Variants in LRRFIP2 observed in about 807,000 individuals in gnomAD.
LRRFIP2 encodes leucine-rich repeat flightless-interacting protein 2.
LRRFIP2 carries 109 observed loss-of-function variants against 125.9 expected under a neutral mutation model. That is an observed-to-expected ratio of 0.87 (90% CI 0.74 to 1.01). LRRFIP2 has a LOEUF of 1.01. LRRFIP2 is among the 50% of genes least tolerant of loss of function. The pLI is 0.00. For missense variants in LRRFIP2, 850 were observed against 862.3 expected (o/e 0.99, Z 0.18); for synonymous variants, 291 against 293.1 (o/e 0.99, Z 0.07).
At chr3:37,149,650 C>T (rs2095959022) in intron 1 of LRRFIP2, among the ~76,000 whole-genome samples, 1 of 152,100 alleles carries the variant, frequency 6.6e-6, no homozygotes, top group South Asian at 2.1e-4. Context: ...TACTACTAAG[C>T]CTTATAGTTA....
chr3:37,122,931 T>G (rs568283545), intron 4 of LRRFIP2, among the ~76,000 whole-genome samples: 5 of 152,332 alleles, frequency 3.3e-5, no homozygotes, highest in African/African-American at 9.6e-5. Context: ...GAATTTCAAG[T>G]CCAAAGTGTT....
At chr3:37,073,597 T>C (rs1293826776) in intron 20 of LRRFIP2, among the ~76,000 whole-genome samples, 23 of 152,180 alleles carry the variant, frequency 1.5e-4, no homozygotes, top group Admixed American at 1.5e-3. Flanking sequence ...TTTAAAGTTT[T>C]TCAGCATAAC....
intron 10 of LRRFIP2, 39 bp from the exon 11 acceptor site, chr3:37,109,610 A>G (rs1444136984): frequency 3.7e-6 from 6 of 1,613,866 alleles, no homozygotes; most frequent in Non-Finnish European, 5.1e-6. Context: ...AAAAAAAGCA[A>G]CTGGTAGCTC....
At chr3:37,110,884 C>G in intron 9 of LRRFIP2, 107 bp downstream of exon 9, 1 of 905,302 alleles carries the variant, frequency 1.1e-6, no homozygotes, top group Middle Eastern at 2.2e-4. Flanking sequence ...CTAGTATATA[C>G]GTAGCCATTT....
intron 24 of LRRFIP2, among the ~76,000 whole-genome samples, chr3:37,063,003 T>C (rs1188609438): frequency 6.6e-6 from 1 of 152,080 alleles, no homozygotes; most frequent in Non-Finnish European, 1.5e-5. Context: ...ACAAGTCAGA[T>C]GCACCAAGAT....
intron 1 of LRRFIP2, among the ~76,000 whole-genome samples, chr3:37,161,603 G>A (rs533523050): frequency 2.1e-4 from 32 of 152,202 alleles, no homozygotes; most frequent in African/African-American, 7.5e-4. Flanking sequence ...TTTCCTTGTA[G>A]GGGTAATGAA....
At chr3:37,067,188 G>A (rs2090324002) in intron 21 of LRRFIP2, 1 of 152,202 alleles carries the variant, frequency 6.6e-6, no homozygotes, top group South Asian at 2.1e-4. Context: ...AGATAGCAGG[G>A]ACAGTTCAGG....
rs1186012403 is a variant in LRRFIP2, at chr3:37,109,676, G to A, written c.541C>T (p.Leu181=). The A allele has an allele frequency of 6.2e-7, 1 of 1,614,068 alleles. No homozygotes were observed. Among genetic ancestry groups the A allele is most frequent in the Non-Finnish European group, 8.5e-7 (1 of 1,179,954 alleles). The stretch of plus-strand genomic sequence containing the variant: ...ACCCTGTCACTCTTATATGTTGCCA[G>A]AGGGTCACTGTACAGGGAAGAAGAC... ...RQSSSLYSDP[L]ATYKSDRASP... is the part of the protein sequence containing the mutation. Residue 181 remains leucine, a synonymous_variant, in exon 10 of 28, where the codon CTG becomes TTG. Transcript: ENST00000336686.
intron 9 of LRRFIP2, among the ~76,000 whole-genome samples, chr3:37,110,242 TA>T (rs776184155): frequency 2.0e-5 from 3 of 152,238 alleles, no homozygotes; most frequent in Non-Finnish European, 2.9e-5. Context: ...TTAGTTGAAT[TA>T]GATAAATTGT....
intron 23 of LRRFIP2, chr3:37,064,039 T>C (rs182244485): frequency 4.5e-6 from 2 of 439,714 alleles, no homozygotes; most frequent in Admixed American, 3.9e-5. Flanking sequence ...CAGCAGTGAT[T>C]TGCCACTTAA....
chr3:37,165,810 AAAGAAAGAAAGAAAGAAAGAAAG>A (rs1560166557), intron 1 of LRRFIP2, among the ~76,000 whole-genome samples: 11 of 142,674 alleles, frequency 7.7e-5, no homozygotes, highest in East Asian at 2.1e-4. Flanking sequence ...AGAAAGAAAG[AAAGAAAGAAAGAAAGAAAGAAAG>A]AAAGAAAGAA....
chr3:37,159,408 A>G (rs984096807), intron 1 of LRRFIP2, among the ~76,000 whole-genome samples: 23 of 152,204 alleles, frequency 1.5e-4, no homozygotes, highest in Admixed American at 5.9e-4. Flanking sequence ...AAATTTTTTA[A>G]TTGGAAAAAG....
In LRRFIP2 at chr3:37,053,661, A is replaced by G; in HGVS notation, c.*190T>C. The G allele has an allele frequency of 5.2e-6, 3 of 574,330 alleles. No homozygotes were observed. Among genetic ancestry groups the G allele is most frequent in the Non-Finnish European group, 6.2e-6 (2 of 320,164 alleles). 35.6% of individuals were successfully genotyped at this position (574,330 alleles called of 1,614,324 possible). On this transcript the variant is annotated 3_prime_UTR_variant, in exon 28 of 28. Coordinates refer to ENST00000336686, the MANE Select transcript of LRRFIP2 (RefSeq NM_006309.4). ...GGTTCTACCCTAGAATCAAACTACA[A>G]CAAAATCCAAAGTGTTCATTCATGT... is the stretch of plus-strand genomic sequence containing the variant.
At chr3:37,114,937 C>T in intron 7 of LRRFIP2, 117 bp downstream of exon 7, 2 of 776,232 alleles carry the variant, frequency 2.6e-6, no homozygotes, top group Middle Eastern at 2.3e-4. Context: ...GTTAGTCACA[C>T]ATTTTCCCCA....
chr3:37,052,932 A>G lies in LRRFIP2; in HGVS notation c.*919T>C, dbSNP rs1305361101. ...ATTGTTTTTCCTTGAGAAGGAGACA[A>G]AAGAAGAGGGATGTGGTTGCCATGA... On this transcript the variant is annotated 3_prime_UTR_variant, in exon 28 of 28. Coordinates refer to ENST00000336686, the MANE Select transcript of LRRFIP2 (RefSeq NM_006309.4). The G allele has an allele frequency of 6.6e-6, 1 of 152,300 alleles. No homozygotes were observed. The highest frequency in any genetic ancestry group is 1.5e-5 in the Non-Finnish European group (1 of 68,038). The allele number at this position is 152,300 out of a possible 1,614,324, so 9.4% of individuals were successfully genotyped here.
intron 20 of LRRFIP2, among the ~76,000 whole-genome samples, chr3:37,073,215 A>G (rs1373385498): frequency 6.6e-6 from 1 of 152,202 alleles, no homozygotes; most frequent in Non-Finnish European, 1.5e-5. Context: ...CTTTTTACCA[A>G]ACAAGAACTT....
intron 4 of LRRFIP2, among the ~76,000 whole-genome samples, chr3:37,127,156 A>G (rs1358514140): frequency 1.3e-5 from 2 of 152,172 alleles, no homozygotes; most frequent in African/African-American, 4.8e-5. Flanking sequence ...ATTATCTAAC[A>G]TTTTACTGAT....
intron 20 of LRRFIP2, among the ~76,000 whole-genome samples, 166 bp from the exon 21 acceptor site, chr3:37,073,048 TCA>T (rs768214737): frequency 6.6e-6 from 1 of 152,088 alleles, no homozygotes; most frequent in Non-Finnish European, 1.5e-5. Flanking sequence ...AAGATGACAT[TCA>T]CAGTCTTGGC....
chr3:37,149,247 A>G (rs1372243445), intron 1 of LRRFIP2, among the ~76,000 whole-genome samples: 1 of 152,190 alleles, frequency 6.6e-6, no homozygotes, highest in Non-Finnish European at 1.5e-5. Context: ...ATCTGTGTGT[A>G]TTATAATATT....
Sources: gnomAD v4.1 joint callset for allele counts (sites outside exome capture counted in the v4.1 genomes callset) on GRCh38, gnomAD v4.1.1 for gene constraint, MANE v1.5 for transcripts, NCBI Gene and HGNC (gene_info 2026-07-23, HGNC 2026-07-21) for gene names.